Variants in ACTR5 observed in about 807,000 individuals in gnomAD.
The protein encoded by ACTR5 is actin related protein 5.
Under a neutral mutation model 61.2 loss-of-function variants are expected in ACTR5, and 43 were observed. That is an observed-to-expected ratio of 0.70 (90% CI 0.55 to 0.91). The LOEUF is 0.91. Among genes scored for constraint, ACTR5 ranks in the 40% least tolerant of loss-of-function variants. The pLI is 0.00. For missense variants in ACTR5, 798 were observed against 782.2 expected (o/e 1.02, Z -0.24); for synonymous variants, 333 against 310.5 (o/e 1.07, Z -0.76).
Position 38,771,850 on chromosome 20 carries a change from A to C in ACTR5, c.*34A>C. 6.3e-7 allele frequency: 1 copy of C among 1,586,142 alleles called. No individual in the cohort carries two copies. The highest frequency in any genetic ancestry group is 8.6e-7 in the Non-Finnish European group (1 of 1,168,964). The stretch of plus-strand genomic sequence containing the variant: ...CTCCAGAGAGACTGCCCTGCACGCC[A>C]TGCCTTGGGCCACGTTGGCAGTGTG... On this transcript the variant is annotated 3_prime_UTR_variant, in exon 9 of 9. Coordinates refer to ENST00000243903, the MANE Select transcript of ACTR5 (RefSeq NM_024855.4).
chr20:38,765,264 C>A, intron 5 of ACTR5, 138 bp from the exon 6 acceptor site: 1 of 656,794 alleles, frequency 1.5e-6, no homozygotes, highest in South Asian at 2.0e-5. Flanking sequence ...TTAAAAATAG[C>A]TTAGAAAAAT....
chr20:38,769,528 T>G (rs2084507779), intron 8 of ACTR5, among the ~76,000 whole-genome samples: 1 of 152,122 alleles, frequency 6.6e-6, no homozygotes, highest in African/African-American at 2.4e-5. Context: ...GTTTGCTGAT[T>G]AAGAGATTCA....
intron 3 of ACTR5, 21 bp downstream of exon 3, chr20:38,752,321 C>T (rs370765725): frequency 1.9e-6 from 3 of 1,575,762 alleles, no homozygotes; most frequent in Non-Finnish European, 2.6e-6. Context: ...GGATGTTTGC[C>T]TGCAGCTTTT....
chr20:38,768,224 G>T (rs931247372), intron 8 of ACTR5, among the ~76,000 whole-genome samples: 1 of 152,110 alleles, frequency 6.6e-6, no homozygotes, highest in East Asian at 1.9e-4. Flanking sequence ...GGGGGTAATC[G>T]GTACCTGTTG....
In ACTR5 at chr20:38,755,097, C is replaced by T; in HGVS notation, c.916C>T (p.Gln306Ter). The change falls in exon 4 of 9, where the codon CAG becomes TAG. Residue 306 changes from glutamine to a stop codon, truncating the protein, a stop_gained. Transcript: ENST00000243903. LOFTEE classifies it high-confidence loss of function. ...GCGGCAGCAGCAATTGCGGCGGCTGCAGGAGCTCAATGCCCGGCGGCGGGA... is the reference window on the plus strand; with the variant it reads ...GCGGCAGCAGCAATTGCGGCGGCTGTAGGAGCTCAATGCCCGGCGGCGGGA... ...ERRQQQLRRL[Q>*]ELNARRREEK... 4 of 1,614,184 alleles carry T rather than the reference C, an allele frequency of 2.5e-6. No homozygotes were observed.
In ACTR5 at chr20:38,767,594, C is replaced by G. The variant is rs567037300; in HGVS notation, c.1564C>G (p.Gln522Glu). The G allele has an allele frequency of 6.2e-7, 1 of 1,609,442 alleles. No individual in the cohort carries two copies. The highest frequency in any genetic ancestry group is 1.3e-5 in the African/African-American group (1 of 74,926). Residue 522 changes from glutamine (Q) to glutamate (E), a missense_variant and splice_region_variant, in exon 8 of 9, where the codon CAG becomes GAG. Physicochemically the swap from Gln to Glu is conservative, Grantham distance 29 (BLOSUM62 2). Coordinates refer to ENST00000243903, the MANE Select transcript of ACTR5 (RefSeq NM_024855.4). ...GATGAGACCCTTCCGGTCTTCTTTT[C>G]AGGTACTGATTGTTCGAGTAGTCAA... is the stretch of plus-strand genomic sequence containing the variant. ...LEMRPFRSSF[Q>E]VQLASNPVLD... is the part of the protein sequence containing the mutation.
chr20:38,768,263 A>G (rs934663752), intron 8 of ACTR5, among the ~76,000 whole-genome samples: 41 of 152,140 alleles, frequency 2.7e-4, no homozygotes, highest in Admixed American at 2.0e-3. Flanking sequence ...GTGCCTGTCA[A>G]GCGCCCGACA....
At chr20:38,752,986 T>G (rs2084395936) in intron 3 of ACTR5, among the ~76,000 whole-genome samples, 1 of 152,212 alleles carries the variant, frequency 6.6e-6, no homozygotes, top group Non-Finnish European at 1.5e-5. Context: ...AAGTATACGT[T>G]TCATGTGTGA....
chr20:38,762,935 A>G (rs955818130), intron 5 of ACTR5, among the ~76,000 whole-genome samples: 12 of 152,210 alleles, frequency 7.9e-5, no homozygotes, highest in Non-Finnish European at 1.6e-4. Context: ...CCAGTAATAC[A>G]ACAGAATTAT....
At position 38,765,476 on chromosome 20, in the gene ACTR5, A is replaced by G. The variant is rs376034458; in HGVS notation, c.1251A>G (p.Ser417=). ...TGAATGATTTTGATCCCTTGTTTTCAGAGGAAACACCTGGAGTGGAGAAGC... is the reference window on the plus strand; with the variant it reads ...TGAATGATTTTGATCCCTTGTTTTCGGAGGAAACACCTGGAGTGGAGAAGC... ...ESMNDFDPLF[S]EETPGVEKPV... The change falls in exon 6 of 9, where the codon TCA becomes TCG. Residue 417 remains serine (S), a synonymous_variant. Transcript: ENST00000243903. The G allele has an allele frequency of 6.2e-7, 1 of 1,614,228 alleles. No homozygotes were observed.
chr20:38,753,977 T>C (rs2084402703), intron 3 of ACTR5, among the ~76,000 whole-genome samples: 1 of 152,042 alleles, frequency 6.6e-6, no homozygotes, highest in Non-Finnish European at 1.5e-5. Context: ...AACACAACTT[T>C]TCACAGTCTA....
At chr20:38,763,255 A>T (rs906810811) in intron 5 of ACTR5, among the ~76,000 whole-genome samples, 2 of 152,146 alleles carry the variant, frequency 1.3e-5, no homozygotes, top group African/African-American at 4.8e-5. Context: ...CTCCCCTGGA[A>T]CCCCTTTGGG....
intron 4 of ACTR5, 87 bp from the exon 5 acceptor site, chr20:38,755,770 G>T: frequency 6.8e-7 from 1 of 1,469,200 alleles, no homozygotes; most frequent in Non-Finnish European, 9.4e-7. Context: ...TAGGCCAGGG[G>T]AGCTCTGGAA....
rs755996333 is a variant in ACTR5, at chr20:38,748,865, A to G, written c.375+12A>G. The G allele has an allele frequency of 1.3e-5, 21 of 1,601,346 alleles. No homozygotes were observed. Among genetic ancestry groups the G allele is most frequent in the South Asian group, 4.4e-5 (4 of 90,178 alleles). ...GTGTCTCCTCACAGGTGAAGGGCGG[A>G]GTAGGCTGGGCTGGGCTGGGTTTGA... On this transcript the variant is annotated intron_variant, in intron 1 of 8. Coordinates refer to ENST00000243903, the MANE Select transcript of ACTR5 (RefSeq NM_024855.4).
rs750503638 is a variant in ACTR5 at position 38,750,102 on chromosome 20, C to A, written c.468C>A (p.Tyr156Ter). Reference protein sequence around the residue: ...QMMSELLFECYGIPKVAYGID... With the variant: ...QMMSELLFEC The stretch of plus-strand genomic sequence containing the variant: ...TGTCTGAGCTTCTTTTTGAGTGCTA[C>A]GGGATTCCCAAGGTTGCCTATGGAA... Residue 156 changes from tyrosine to a stop codon, truncating the protein, a stop_gained, in exon 2 of 9, where the codon TAC (tyrosine) becomes TAA (stop). Transcript: ENST00000243903. LOFTEE classifies it high-confidence loss of function. 6.2e-7 allele frequency: 1 copy of A among 1,614,030 alleles called. No homozygotes were observed. Among genetic ancestry groups the A allele is most frequent in the East Asian group, 2.2e-5 (1 of 44,890 alleles).
chr20:38,748,781 C>G lies in ACTR5; in HGVS notation c.303C>G (p.Asn101Lys). Reference sequence around the variant, plus strand: ...TGCTGCGCTCGCCCTTCGACCGCAACGTGCCGGTCAACCTGGAGCTTCAGG... The same window carrying G: ...TGCTGCGCTCGCCCTTCGACCGCAAGGTGCCGGTCAACCTGGAGCTTCAGG... ...RWMLRSPFDR[N>K]VPVNLELQEL... The change falls in exon 1 of 9, where the codon AAC becomes AAG. Residue 101 changes from asparagine (N) to lysine (K), a missense_variant. Asn to Lys is a moderately conservative substitution (Grantham distance 94). Coordinates refer to ENST00000243903, the MANE Select transcript of ACTR5 (RefSeq NM_024855.4). The G allele has an allele frequency of 3.7e-6, 6 of 1,608,510 alleles. No individual in the cohort carries two copies. Among genetic ancestry groups the G allele is most frequent in the Non-Finnish European group, 5.1e-6 (6 of 1,178,764 alleles).
intron 5 of ACTR5, among the ~76,000 whole-genome samples, chr20:38,756,258 C>T (rs2084419625): frequency 6.6e-6 from 1 of 152,212 alleles, no homozygotes; most frequent in Non-Finnish European, 1.5e-5. Context: ...GTGCATTTAA[C>T]GTAGGAAGAA....
At chr20:38,750,753 C>G (rs769822473) in intron 2 of ACTR5, among the ~76,000 whole-genome samples, 1 of 152,034 alleles carries the variant, frequency 6.6e-6, no homozygotes, top group Non-Finnish European at 1.5e-5. Context: ...CTCAGCCTCC[C>G]GAGTAGCTGG....
intron 1 of ACTR5, 33 bp from the exon 2 acceptor site, chr20:38,749,977 C>A: frequency 6.4e-7 from 1 of 1,559,764 alleles, no homozygotes; most frequent in Non-Finnish European, 8.8e-7. Flanking sequence ...ATTCTGTTAC[C>A]ACTCATTTAT....
Sources: gnomAD v4.1 joint callset for allele counts (sites outside exome capture counted in the v4.1 genomes callset) on GRCh38, gnomAD v4.1.1 for gene constraint, MANE v1.5 for transcripts, NCBI Gene and HGNC (gene_info 2026-07-23, HGNC 2026-07-21) for gene names.